The following ZNF106 variants were observed in gnomAD, a reference collection of about 807,000 sequenced individuals.
ZNF106 encodes the protein zinc finger protein 106.
In ZNF106, 67 loss-of-function variants were observed where a neutral mutation model predicts 195.1. The observed-to-expected ratio is 0.34, with a 90% CI of 0.28 to 0.42. The LOEUF is 0.42. Ranked by LOEUF, ZNF106 falls within the 10% of genes least tolerant of loss-of-function variation. The pLI is 1.00. For synonymous variants in ZNF106, 784 were observed against 818.6 expected (o/e 0.96, Z 0.72); for missense variants, 2,118 against 2,304.5 (o/e 0.92, Z 1.66).
Position 42,418,293 on chromosome 15 carries a change from T to C in ZNF106, c.5518-342A>G, listed in dbSNP as rs144169950. On this transcript the variant is annotated intron_variant, in intron 20 of 21. Coordinates refer to ENST00000564754, the MANE Select transcript of ZNF106 (RefSeq NM_001366845.3). Reference sequence around the variant, plus strand: ...ATTTTTTGATGTTGCCATCATAAAATTGAGTTTCTATCTTAGTTTATTCAA... The same window carrying C: ...ATTTTTTGATGTTGCCATCATAAAACTGAGTTTCTATCTTAGTTTATTCAA... 2.4e-3 allele frequency among the ~76,000 whole-genome samples: 371 copies of C among 152,230 alleles called. 2 individuals are homozygous for C. The highest frequency in any genetic ancestry group is 5.0e-3 in the South Asian group (24 of 4,824).
At chr15:42,453,557 T>C (rs896139832) in intron 4 of ZNF106, among the ~76,000 whole-genome samples, 2 of 152,174 alleles carry the variant, frequency 1.3e-5, no homozygotes, top group African/African-American at 4.8e-5. Flanking sequence ...GCACCTTATA[T>C]AGATTATCTC....
rs182352255 is a variant in ZNF106, at chr15:42,414,896, A to G, written c.*2408T>C. On this transcript the variant is annotated 3_prime_UTR_variant, in exon 22 of 22. Coordinates refer to ENST00000564754, the MANE Select transcript of ZNF106 (RefSeq NM_001366845.3). ...CAGTTTGGCTTCTCTGGATATCCTT[A>G]TAGGAAATAGGGGTGAGAGGTGGGA... The G allele has an allele frequency of 2.0e-5, 3 of 152,316 alleles. No homozygotes were observed. The highest frequency in any genetic ancestry group is 7.2e-5 in the African/African-American group (3 of 41,548). The allele number at this position is 152,316 out of a possible 1,614,324, so 9.4% of individuals were successfully genotyped here.
intron 14 of ZNF106, 95 bp from the exon 15 acceptor site, chr15:42,428,229 T>C (rs571706967): frequency 3.1e-6 from 3 of 953,380 alleles, no homozygotes; most frequent in South Asian, 3.1e-5. Context: ...AAATGACTCT[T>C]ATGCGGAAGA....
Position 42,448,278 on chromosome 15 carries a change from C to T in ZNF106, c.2929G>A (p.Asp977Asn). 2 of 1,614,204 alleles carry T rather than the reference C, an allele frequency of 1.2e-6. No homozygotes were observed. The highest frequency in any genetic ancestry group is 1.7e-6 in the Non-Finnish European group (2 of 1,180,046). Residue 977 changes from aspartate to asparagine, a missense_variant, in exon 6 of 22, where the codon GAC becomes AAC. Physicochemically the swap from Asp to Asn is conservative, Grantham distance 23. Transcript: ENST00000564754. ...HIIPLMHLAKDLNSQERSIPP... is the reference protein window; with the variant it reads ...HIIPLMHLAKNLNSQERSIPP... ...ATAGACCTCTCCTGGCTGTTCAAGT[C>T]TTTTGCCAAATGCATCAAAGGTATT...
chr15:42,472,782 C>A, intron 1 of ZNF106, among the ~76,000 whole-genome samples: 3 of 152,104 alleles, frequency 2.0e-5, no homozygotes, highest in Middle Eastern at 6.8e-3. Flanking sequence ...GAGGCCGACG[C>A]GGGCAGATCA....
intron 3 of ZNF106, among the ~76,000 whole-genome samples, chr15:42,458,728 A>G (rs1191135197): frequency 6.6e-6 from 1 of 151,710 alleles, no homozygotes; most frequent in Non-Finnish European, 1.5e-5. Context: ...AAGAAAAAAA[A>G]AAACAACACC....
Position 42,449,945 on chromosome 15 carries a change from C to T in ZNF106, c.2327G>A (p.Ser776Asn). Residue 776 changes from serine to asparagine, a missense_variant, in exon 5 of 22, where the codon AGT (serine) becomes AAT (asparagine). By Grantham distance (46) the Ser-to-Asn change is conservative (BLOSUM62 1). Coordinates refer to ENST00000564754, the MANE Select transcript of ZNF106 (RefSeq NM_001366845.3). Reference protein sequence around the residue: ...GVHLPEPNLNSARRIRNISGH... With the variant: ...GVHLPEPNLNNARRIRNISGH... ...GCTAATATTGCGAATGCGGCGGGCACTATTGAGGTTTGGCTCAGGAAGGTG... is the reference window on the plus strand; with the variant it reads ...GCTAATATTGCGAATGCGGCGGGCATTATTGAGGTTTGGCTCAGGAAGGTG... 6.2e-7 allele frequency: 1 copy of T among 1,614,160 alleles called. No individual in the cohort carries two copies. Among genetic ancestry groups the T allele is most frequent in the South Asian group, 1.1e-5 (1 of 91,074 alleles).
intron 14 of ZNF106, among the ~76,000 whole-genome samples, chr15:42,432,366 C>G (rs538401983): frequency 6.6e-6 from 1 of 151,678 alleles, no homozygotes; most frequent in Non-Finnish European, 1.5e-5. Flanking sequence ...ATTATGTTAC[C>G]GAGGCTGGTC....
At chr15:42,427,123 G>A (rs919602327) in intron 15 of ZNF106, among the ~76,000 whole-genome samples, 1 of 152,118 alleles carries the variant, frequency 6.6e-6, no homozygotes, top group Non-Finnish European at 1.5e-5. Flanking sequence ...CAAACCTATC[G>A]ATTCTACCTC....
chr15:42,457,729 G>A (rs552057066), intron 3 of ZNF106, among the ~76,000 whole-genome samples: 9 of 152,270 alleles, frequency 5.9e-5, no homozygotes, highest in Non-Finnish European at 8.8e-5. Context: ...TGGTCTGGAT[G>A]ATACATGTGA....
Position 42,464,255 on chromosome 15 carries a change from G to A in ZNF106, c.116+1798C>T, listed in dbSNP as rs536825598. ...CTCAGGAGGGTGAAGCAGGAGAATC[G>A]CTTGAACCCGGGAGGCGGAGGTTGC... On this transcript the variant is annotated intron_variant, in intron 3 of 21. Coordinates refer to ENST00000564754, the MANE Select transcript of ZNF106 (RefSeq NM_001366845.3). 3.4e-5 allele frequency among the ~76,000 whole-genome samples: 5 copies of A among 147,772 alleles called. No individual in the cohort carries two copies. The East Asian group carries it at 5.8e-4, about 17-fold the overall frequency.
At chr15:42,433,076 T>C (rs2055115683) in intron 14 of ZNF106, among the ~76,000 whole-genome samples, 1 of 152,194 alleles carries the variant, frequency 6.6e-6, no homozygotes, top group Non-Finnish European at 1.5e-5. Context: ...TTTCTCCTTC[T>C]ACCTTCTCTT....
rs928173954 is a variant in ZNF106, at chr15:42,464,522, C to CTTT, written c.116+1528_116+1530dup. Among the ~76,000 whole-genome samples the CTTT allele has an allele frequency of 1.7e-3, 189 of 113,462 alleles. 3 individuals are homozygous for CTTT. The highest frequency in any genetic ancestry group is 5.0e-3 in the Admixed American group (50 of 9,922). The allele number at this position is 113,462 out of a possible 152,430, so 74.4% of individuals were successfully genotyped here. A position where few individuals can be genotyped will look rare whatever the true frequency, so the allele number is the denominator to read the frequency against. Reference sequence around the variant, plus strand: ...AAAGACATGGAATATACACATGCTACTTTTTTTTTTTTTTTTTTTTTTTTG... The same window carrying CTTT: ...AAAGACATGGAATATACACATGCTACTTTTTTTTTTTTTTTTTTTTTTTTTTTG... On this transcript the variant is annotated intron_variant, in intron 3 of 21. Transcript: ENST00000564754.
At chr15:42,477,921 A>C (rs968166703) in intron 1 of ZNF106, among the ~76,000 whole-genome samples, 7 of 151,896 alleles carry the variant, frequency 4.6e-5, no homozygotes, top group Middle Eastern at 3.2e-3. Context: ...AACAAAAAAA[A>C]CTTACATTAG....
rs999762972 is a variant in ZNF106 at position 42,457,054 on chromosome 15, T to C, written c.221A>G (p.Gln74Arg). 7.4e-6 allele frequency: 12 copies of C among 1,611,350 alleles called. No homozygotes were observed. The Middle Eastern group carries it at 4.9e-4, about 66-fold the overall frequency. The change falls in exon 4 of 22, where the codon CAG (glutamine) becomes CGG (arginine). Residue 74 changes from glutamine to arginine, a missense_variant. Physicochemically the swap from Gln to Arg is conservative, Grantham distance 43. Coordinates refer to ENST00000564754, the MANE Select transcript of ZNF106 (RefSeq NM_001366845.3). ...TCCTTTTCCATCATCTTCTCTTTCC[T>C]GGGCATCAACGTTATCTTTGTGCAA... The part of the protein sequence containing the change: ...GQLHKDNVDA[Q>R]EREDDGKGEE...
chr15:42,423,841 T>G (rs1489746084), intron 17 of ZNF106, among the ~76,000 whole-genome samples, 157 bp downstream of exon 17: 2 of 152,244 alleles, frequency 1.3e-5, no homozygotes, highest in East Asian at 3.8e-4. Flanking sequence ...AATTTCTAAA[T>G]TACACAATAT....
Position 42,422,621 on chromosome 15 carries a change from CTA to C in ZNF106, c.5254-3_5254-2del, listed in dbSNP as rs568250650. 2,736 of 1,605,182 alleles carry C rather than the reference CTA, an allele frequency of 1.7e-3. 46 individuals are homozygous for C. In the African/African-American group the frequency reaches 0.034, roughly 20 times the overall value. ...TATAGATCCGCACGAGCTCACCAGT[CTA>C]TGTCAGAAGAGAAGTAAGAGTCACC... On this transcript the variant is annotated splice_acceptor_variant and splice_polypyrimidine_tract_variant and intron_variant, in intron 17 of 21. Transcript: ENST00000564754. LOFTEE classifies it high-confidence loss of function.
chr15:42,446,562 T>G (rs1372456105), intron 7 of ZNF106, 27 bp downstream of exon 7: 28 of 1,565,932 alleles, frequency 1.8e-5, no homozygotes, highest in Non-Finnish European at 2.3e-5. Context: ...CACCAACTTC[T>G]TTCTTCCAAA....
chr15:42,475,312 C>T (rs974283497), intron 1 of ZNF106, among the ~76,000 whole-genome samples: 1 of 152,180 alleles, frequency 6.6e-6, no homozygotes, highest in Non-Finnish European at 1.5e-5. Flanking sequence ...TATGGTGGCA[C>T]GTGCCTGTAA....
Sources: gnomAD v4.1 joint callset for allele counts (sites outside exome capture counted in the v4.1 genomes callset) on GRCh38, gnomAD v4.1.1 for gene constraint, MANE v1.5 for transcripts, NCBI Gene and HGNC (gene_info 2026-07-23, HGNC 2026-07-21) for gene names.